Variants in PALM3 observed in about 807,000 individuals in gnomAD.
PALM3 encodes paralemmin-3.
PALM3 carries 20 observed loss-of-function variants against 27.9 expected under a neutral mutation model. That is an observed-to-expected ratio of 0.72 (90% CI 0.50 to 1.04). The LOEUF (loss-of-function observed/expected upper bound fraction) is 1.04. Ranked by LOEUF, PALM3 falls within the 50% of genes least tolerant of loss-of-function variation. PALM3 has a pLI of 0.00. For synonymous variants in PALM3, 328 were observed against 352.7 expected (o/e 0.93, Z 0.79); for missense variants, 814 against 869.4 (o/e 0.94, Z 0.80).
intron 1 of PALM3, among the ~76,000 whole-genome samples, chr19:14,059,700 C>G (rs984590660): frequency 2.0e-5 from 3 of 152,106 alleles, no homozygotes; most frequent in African/African-American, 7.2e-5. Flanking sequence ...TGGACCTCAG[C>G]TCCTACCCAG....
At chr19:14,057,969 G>A (rs554520438) in intron 2 of PALM3, among the ~76,000 whole-genome samples, 2 of 152,288 alleles carry the variant, frequency 1.3e-5, no homozygotes, top group South Asian at 2.1e-4. Flanking sequence ...TTAGCTGGGC[G>A]TGGTAGCAGG....
chr19:14,055,826 C>T (rs947202890), intron 5 of PALM3, among the ~76,000 whole-genome samples: 5 of 152,166 alleles, frequency 3.3e-5, no homozygotes, highest in African/African-American at 9.7e-5. Flanking sequence ...TCTCGGCTCA[C>T]TGCAACGTTC....
In PALM3 at chr19:14,055,403, G is replaced by A. The variant is rs974023515; in HGVS notation, c.422C>T (p.Ser141Phe). 1.3e-6 allele frequency: 2 copies of A among 1,549,592 alleles called. No individual in the cohort carries two copies. Among genetic ancestry groups the A allele is most frequent in the Middle Eastern group, 1.7e-4 (1 of 5,986 alleles). The change falls in exon 6 of 7, where the codon TCC becomes TTC. Residue 141 changes from serine to phenylalanine, a missense_variant. Coordinates refer to ENST00000669674, the MANE Select transcript of PALM3 (RefSeq NM_001145028.2). ...ACCTACAGAACCTGCCTCGACAATG[G>A]ACTGGGAGAGAGGACGGTGACCCTG... ...RRQGHRPLSQ[S>F]IVEAGSVGQT... is the part of the protein sequence containing the mutation.
intron 2 of PALM3, 104 bp downstream of exon 2, chr19:14,059,011 G>A (rs1257251305): frequency 1.9e-6 from 2 of 1,079,294 alleles, no homozygotes; most frequent in Non-Finnish European, 2.5e-6. Flanking sequence ...AGCCCTGGGC[G>A]GGGCTGGAGC....
intron 3 of PALM3, 87 bp downstream of exon 3, chr19:14,057,264 A>T (rs1172011004): frequency 1.2e-5 from 5 of 406,550 alleles, no homozygotes; most frequent in African/African-American, 9.5e-5. Flanking sequence ...AATTGGACAG[A>T]GGCTCCTATC....
chr19:14,060,207 G>A (rs2145707344), intron 1 of PALM3, among the ~76,000 whole-genome samples: 1 of 152,196 alleles, frequency 6.6e-6, no homozygotes, highest in African/African-American at 2.4e-5. Flanking sequence ...ACCCTACTGG[G>A]TAAGCCTCAT....
In PALM3 at chr19:14,054,250, T is replaced by C. The variant is rs1976249672; in HGVS notation, c.1422A>G (p.Lys474=). 1 of 1,552,072 alleles carries C rather than the reference T, an allele frequency of 6.4e-7. No homozygotes were observed. Among genetic ancestry groups the C allele is most frequent in the Non-Finnish European group, 8.7e-7 (1 of 1,147,064 alleles). The change falls in exon 7 of 7, where the codon AAA becomes AAG. Residue 474 remains lysine, a synonymous_variant. Coordinates refer to ENST00000669674, the MANE Select transcript of PALM3 (RefSeq NM_001145028.2). The part of the protein sequence containing the change: ...GGEEPLGIER[K]VEGHLRAEKE... The stretch of plus-strand genomic sequence containing the variant: ...TCTCTGCCCTCAAATGTCCCTCAAC[T>C]TTTCTCTCTATGCCCAGTGGTTCCT...
At position 14,057,390 on chromosome 19, in the gene PALM3, C is replaced by G. The variant is rs754742234; in HGVS notation, c.132G>C (p.Arg44=). 1 of 1,545,004 alleles carries G rather than the reference C, an allele frequency of 6.5e-7. No individual in the cohort carries two copies. Among genetic ancestry groups the G allele is most frequent in the Non-Finnish European group, 8.7e-7 (1 of 1,145,476 alleles). ...RLQEEIRAAR[R]EVEEEKLRVE... ...CGCGGAGTTTCTCCTCCTCCACCTC[C>G]CGGCGCGCGGCGCGGATCTCCTCCT... The change falls in exon 3 of 7, where the codon CGG becomes CGC. Residue 44 remains arginine, a synonymous_variant. Coordinates refer to ENST00000669674, the MANE Select transcript of PALM3 (RefSeq NM_001145028.2).
chr19:14,058,933 C>T (rs1290278980), intron 2 of PALM3, among the ~76,000 whole-genome samples, 182 bp downstream of exon 2: 1 of 151,858 alleles, frequency 6.6e-6, no homozygotes, highest in African/African-American at 2.4e-5. Context: ...CCACAGCTCC[C>T]CATTCTGAGG....
intron 2 of PALM3, 174 bp from the exon 3 acceptor site, chr19:14,057,605 G>GT: frequency 2.9e-6 from 1 of 349,458 alleles, no homozygotes; most frequent in East Asian, 4.4e-5. Flanking sequence ...CGGGGAGGGG[G>GT]CTGCGGAGGC....
At position 14,054,202 on chromosome 19, in the gene PALM3, T is replaced by A. The variant is rs771365273; in HGVS notation, c.1470A>T (p.Arg490=). ...RAEKEGDEEK[R]GAEEEEVEEP... ...CTTCTACCTCCTCCTCCTCTGCCCC[T>A]CGCTTTTCCTCATCTCCTTCCTTCT... Residue 490 remains arginine, a synonymous_variant, in exon 7 of 7, where the codon CGA becomes CGT. Transcript: ENST00000669674. The A allele has an allele frequency of 1.4e-5, 22 of 1,551,622 alleles. No homozygotes were observed. The highest frequency in any genetic ancestry group is 1.7e-4 in the Middle Eastern group (1 of 6,018).
intron 5 of PALM3, 88 bp downstream of exon 5, chr19:14,056,341 T>G: frequency 7.5e-7 from 1 of 1,334,432 alleles, no homozygotes; most frequent in Non-Finnish European, 1.0e-6. Flanking sequence ...AGGCTGCCCT[T>G]GGAGAAAGCT....
Position 14,053,484 on chromosome 19 carries a change from C to G in PALM3, c.*121G>C. On this transcript the variant is annotated 3_prime_UTR_variant, in exon 7 of 7. Transcript: ENST00000669674. ...AGGTTTAGGTGGACGTGCAGGCTAG[C>G]TGGCTCCCAGGTGCCATGGCCAGTC... 5.8e-6 allele frequency: 7 copies of G among 1,198,746 alleles called. No homozygotes were observed. Among genetic ancestry groups the G allele is most frequent in the Non-Finnish European group, 7.8e-6 (7 of 901,238 alleles). 74.3% of individuals were successfully genotyped at this position (1,198,746 alleles called of 1,614,324 possible). A position where few individuals can be genotyped will look rare whatever the true frequency, so the allele number is the denominator to read the frequency against.
Position 14,057,415 on chromosome 19 carries a change from T to C in PALM3, c.107A>G (p.Gln36Arg). Reference protein sequence around the residue: ...LEVIAEKRRLQEEIRAARREV... With the variant: ...LEVIAEKRRLREEIRAARREV... Reference sequence around the variant, plus strand: ...CCGGCGCGCGGCGCGGATCTCCTCCTGCAGCCGCCGCTTCTCCTGCGCACA... The same window carrying C: ...CCGGCGCGCGGCGCGGATCTCCTCCCGCAGCCGCCGCTTCTCCTGCGCACA... Residue 36 changes from glutamine (Q) to arginine (R), a missense_variant, in exon 3 of 7, where the codon CAG becomes CGG. By Grantham distance (43) the Gln-to-Arg change is conservative. Transcript: ENST00000669674. 1 of 1,538,800 alleles carries C rather than the reference T, an allele frequency of 6.5e-7. No individual in the cohort carries two copies.
At position 14,058,365 on chromosome 19, in the gene PALM3, G is replaced by A. The variant is rs944405459; in HGVS notation, c.90+750C>T. Among the ~76,000 whole-genome samples, 6 of 150,788 alleles carry A rather than the reference G, an allele frequency of 4.0e-5. No homozygotes were observed. In the East Asian group the frequency reaches 9.7e-4, roughly 24 times the overall value. ...GTGGGGTATAGAGAGATGGGGTGCA[G>A]GGAGATGGGGTTCCATAGATGGGGA... On this transcript the variant is annotated intron_variant, in intron 2 of 6. Coordinates refer to ENST00000669674, the MANE Select transcript of PALM3 (RefSeq NM_001145028.2).
At chr19:14,061,887 G>C in intron 1 of PALM3, 53 bp downstream of exon 1, 1 of 960,500 alleles carries the variant, frequency 1.0e-6, no homozygotes, top group Non-Finnish European at 1.2e-6. Context: ...CATCCCCCAT[G>C]AGCCCCTCCC....
At chr19:14,059,211 C>T in intron 1 of PALM3, 48 bp from the exon 2 acceptor site, 2 of 1,425,286 alleles carry the variant, frequency 1.4e-6, no homozygotes, top group Non-Finnish European at 1.8e-6. Flanking sequence ...CTTGAACGCC[C>T]CCCTCTTGGC....
chr19:14,054,757 C>T lies in PALM3; in HGVS notation c.915G>A (p.Gly305=). The part of the protein sequence containing the change: ...GVGGSDAEAM[G]EIGRVPEVVQ... ...CGACCTCAGGGACCCTGCCTATCTC[C>T]CCCATGGCCTCTGCATCACTGCCAC... is the stretch of plus-strand genomic sequence containing the variant. The change falls in exon 7 of 7, where the codon GGG becomes GGA. Residue 305 remains glycine (G), a synonymous_variant. Coordinates refer to ENST00000669674, the MANE Select transcript of PALM3 (RefSeq NM_001145028.2). The T allele has an allele frequency of 1.3e-6, 2 of 1,551,852 alleles. No individual in the cohort carries two copies. The highest frequency in any genetic ancestry group is 8.7e-7 in the Non-Finnish European group (1 of 1,147,046).
chr19:14,053,861 C>T lies in PALM3; in HGVS notation c.1811G>A (p.Gly604Glu), dbSNP rs963706323. ...CTCAGCAGCGGTTTGGGGCTTCACT[C>T]CTTCCTCCTCCAGGGCTCCTACTGG... ...EKPVGALEEE[G>E]VKPQTAAEGQ... The change falls in exon 7 of 7, where the codon GGA (glycine) becomes GAA (glutamate). Residue 604 changes from glycine (G) to glutamate (E), a missense_variant. Gly to Glu is a moderately conservative substitution (Grantham distance 98). Coordinates refer to ENST00000669674, the MANE Select transcript of PALM3 (RefSeq NM_001145028.2). 1.3e-6 allele frequency: 2 copies of T among 1,551,388 alleles called. No individual in the cohort carries two copies. The highest frequency in any genetic ancestry group is 1.7e-6 in the Non-Finnish European group (2 of 1,146,872).
Sources: allele counts gnomAD v4.1 joint callset (sites outside exome capture counted in the v4.1 genomes callset), GRCh38; gene constraint gnomAD v4.1.1; transcripts MANE v1.5; gene names NCBI Gene and HGNC (gene_info 2026-07-23, HGNC 2026-07-21).